The following PALM2AKAP2 variants were observed in gnomAD, a reference collection of about 807,000 sequenced individuals.
PALM2AKAP2 encodes PALM2 and AKAP2 fusion.
A neutral mutation model predicts 71.5 loss-of-function variants in PALM2AKAP2; 37 were observed. The ratio of observed to expected loss-of-function variants is 0.52; its 90% confidence interval spans 0.40 to 0.68. PALM2AKAP2 has a LOEUF of 0.68. Ranked by LOEUF, PALM2AKAP2 falls within the 30% of genes least tolerant of loss-of-function variation. The pLI, the probability that PALM2AKAP2 is intolerant of heterozygous loss-of-function variation, is 0.00. For missense variants in PALM2AKAP2, 1,224 were observed against 1,191.8 expected, an observed-to-expected ratio of 1.03 and a Z score of -0.40; for synonymous variants, 468 against 478.8, an observed-to-expected ratio of 0.98 and a Z score of 0.29.
intron 6 of PALM2AKAP2, among the ~76,000 whole-genome samples, chr9:110,014,591 G>C (rs920484537): frequency 1.3e-5 from 2 of 151,070 alleles, no homozygotes; most frequent in Non-Finnish European, 2.9e-5. Flanking sequence ...TGGACAACAT[G>C]GTGAAACCCT....
intron 1 of PALM2AKAP2, among the ~76,000 whole-genome samples, chr9:109,752,945 G>T (rs1828906425): frequency 6.6e-6 from 1 of 152,130 alleles, no homozygotes; most frequent in African/African-American, 2.4e-5. Context: ...GTTAAATGAT[G>T]AGGAGTACTA....
intron 3 of PALM2AKAP2, 120 bp from the exon 11 acceptor site, chr9:110,168,279 G>T: frequency 8.0e-7 from 1 of 1,255,446 alleles, no homozygotes; most frequent in Non-Finnish European, 1.1e-6. Flanking sequence ...TCCCAGCAGT[G>T]CTTTATCACT....
At chr9:110,142,109 T>G (rs1214457461) in intron 2 of PALM2AKAP2, among the ~76,000 whole-genome samples, 1 of 149,394 alleles carries the variant, frequency 6.7e-6, no homozygotes, top group Non-Finnish European at 1.5e-5. Flanking sequence ...TCTTGCTCTG[T>G]CTCCCAGGCT....
In PALM2AKAP2 at chr9:109,713,926, C is replaced by A. The variant is rs79484694; in HGVS notation, c.6-66562C>A. 7.3e-3 allele frequency among the ~76,000 whole-genome samples: 1,106 copies of A among 152,252 alleles called. 16 individuals are homozygous for A. The highest frequency in any genetic ancestry group is 0.023 in the South Asian group (110 of 4,816). The stretch of plus-strand genomic sequence containing the variant: ...TAAGATATTAATATTAGCTCATCAA[C>A]TGTAGCACATGTATCATACTAATGC... On this transcript the variant is annotated intron_variant, in intron 1 of 6. Transcript: ENST00000374531.
chr9:109,803,103 G>GGGA (rs35649179), intron 1 of PALM2AKAP2, among the ~76,000 whole-genome samples: 1 of 150,474 alleles, frequency 6.6e-6, no homozygotes, highest in South Asian at 2.1e-4. Context: ...GGTTTTTGGG[G>GGGA]AAAAAAAAAG....
intron 6 of PALM2AKAP2, among the ~76,000 whole-genome samples, chr9:109,959,606 C>A (rs1831816375): frequency 6.8e-6 from 1 of 146,440 alleles, no homozygotes; most frequent in African/African-American, 2.5e-5. Context: ...GATCACGCCA[C>A]TGCACTCCAG....
intron 6 of PALM2AKAP2, among the ~76,000 whole-genome samples, chr9:110,000,450 G>A (rs879611246): frequency 6.6e-6 from 1 of 152,036 alleles, no homozygotes; most frequent in Admixed American, 6.5e-5. Flanking sequence ...CTTTGCTATT[G>A]TGAATACTGC....
chr9:109,769,275 G>A (rs2118760748), intron 1 of PALM2AKAP2, among the ~76,000 whole-genome samples: 1 of 152,266 alleles, frequency 6.6e-6, no homozygotes, highest in Admixed American at 6.5e-5. Flanking sequence ...GGCTGGGGGT[G>A]TTACAATGTT....
chr9:110,005,737 C>A (rs1482424736), intron 6 of PALM2AKAP2, among the ~76,000 whole-genome samples: 1 of 152,196 alleles, frequency 6.6e-6, no homozygotes, highest in Non-Finnish European at 1.5e-5. Flanking sequence ...AGGCACCCCT[C>A]CCCCAGCCTC....
intron 1 of PALM2AKAP2, among the ~76,000 whole-genome samples, chr9:109,848,791 AAAATT>A (rs1049380610): frequency 2.0e-5 from 3 of 151,810 alleles, no homozygotes; most frequent in Non-Finnish European, 4.4e-5. Context: ...AAAAAAAAAA[AAAATT>A]AGTTGGGTGT....
chr9:110,166,049 T>G (rs769656673), intron 3 of PALM2AKAP2, among the ~76,000 whole-genome samples: 12 of 152,240 alleles, frequency 7.9e-5, no homozygotes, highest in Non-Finnish European at 1.6e-4. Context: ...AGATGATCCT[T>G]TTATACAATG....
chr9:109,736,864 AC>A (rs1376613936), intron 1 of PALM2AKAP2, among the ~76,000 whole-genome samples: 4 of 152,216 alleles, frequency 2.6e-5, no homozygotes, highest in Non-Finnish European at 4.4e-5. Context: ...TCCCATGATT[AC>A]AGCTAACATG....
chr9:109,669,486 C>A (rs974816361), intron 1 of PALM2AKAP2, among the ~76,000 whole-genome samples: 1 of 151,934 alleles, frequency 6.6e-6, no homozygotes, highest in Non-Finnish European at 1.5e-5. Flanking sequence ...GTGTCTTCCT[C>A]TTTTATTTTC....
At chr9:109,765,144 G>C (rs746671854) in intron 1 of PALM2AKAP2, among the ~76,000 whole-genome samples, 74 of 152,306 alleles carry the variant, frequency 4.9e-4, no homozygotes, top group Middle Eastern at 3.4e-3. Flanking sequence ...GTATGAATTA[G>C]ATTTACCTGG....
At chr9:110,030,824 A>G (rs1833266242) in intron 7 of PALM2AKAP2, among the ~76,000 whole-genome samples, 1 of 152,234 alleles carries the variant, frequency 6.6e-6, no homozygotes, top group South Asian at 2.1e-4. Context: ...CTCATACAAG[A>G]TGCTTGATTC....
At chr9:109,761,247 A>T (rs1829047424) in intron 1 of PALM2AKAP2, among the ~76,000 whole-genome samples, 1 of 152,244 alleles carries the variant, frequency 6.6e-6, no homozygotes, top group African/African-American at 2.4e-5. Context: ...CCAAAATAAT[A>T]TTATTGCTTT....
At chr9:110,141,356 TGTC>T (rs1836023569) in intron 2 of PALM2AKAP2, among the ~76,000 whole-genome samples, 1 of 152,184 alleles carries the variant, frequency 6.6e-6, no homozygotes, top group Admixed American at 6.6e-5. Flanking sequence ...CCAATCTTGA[TGTC>T]GTATTGAGTA....
chr9:109,792,279 G>T (rs1827133801), intron 1 of PALM2AKAP2, among the ~76,000 whole-genome samples: 1 of 152,030 alleles, frequency 6.6e-6, no homozygotes, highest in African/African-American at 2.4e-5. Flanking sequence ...TGAATGAAGA[G>T]AAAAATAGAC....
intron 1 of PALM2AKAP2, among the ~76,000 whole-genome samples, chr9:109,700,419 T>A (rs1178255792): frequency 6.6e-6 from 1 of 152,202 alleles, no homozygotes; most frequent in African/African-American, 2.4e-5. Context: ...GCCTCCCCAG[T>A]CATGTGGAAC....
Sources: gnomAD v4.1 joint callset for allele counts (sites outside exome capture counted in the v4.1 genomes callset) on GRCh38, gnomAD v4.1.1 for gene constraint, MANE v1.5 for transcripts, NCBI Gene and HGNC (gene_info 2026-07-23, HGNC 2026-07-21) for gene names.